GINM1: variants seen among roughly 807,000 people sequenced by gnomAD.
GINM1 encodes glycosylated integral membrane protein 1.
GINM1 carries 29 observed loss-of-function variants against 37.8 expected under a neutral mutation model. The observed-to-expected ratio is 0.77, with a 90% CI of 0.57 to 1.05. The LOEUF (loss-of-function observed/expected upper bound fraction) is 1.05. GINM1 is among the 50% of genes least tolerant of loss of function. The pLI is 0.00. For missense variants in GINM1, 377 were observed against 397.9 expected, an observed-to-expected ratio of 0.95 and a Z score of 0.45; for synonymous variants, 143 against 146.2, an observed-to-expected ratio of 0.98 and a Z score of 0.16.
chr6:149,570,815 G>A (rs1777807405), intron 1 of GINM1, among the ~76,000 whole-genome samples: 1 of 152,158 alleles, frequency 6.6e-6, no homozygotes, highest in South Asian at 2.1e-4. Flanking sequence ...GTCTATTTGT[G>A]AATAAACTTA....
At chr6:149,579,700 A>T in intron 4 of GINM1, 134 bp from the exon 5 acceptor site, 1 of 545,610 alleles carries the variant, frequency 1.8e-6, no homozygotes, top group Non-Finnish European at 3.1e-6. Context: ...CATCTCAAAA[A>T]AAAAAAAAAA....
Position 149,590,761 on chromosome 6 carries a change from C to T in GINM1, c.916C>T (p.Pro306Ser), listed in dbSNP as rs753666762. The change falls in exon 8 of 8, where the codon CCT (proline) becomes TCT (serine). Residue 306 changes from proline to serine, a missense_variant. Physicochemically the swap from Pro to Ser is moderately conservative, Grantham distance 74. Transcript: ENST00000367419. Reference sequence around the variant, plus strand: ...TCAGTTGGATAAAGTGGACGTCATACCTGTGACAGCTATCAACTTATATCC... The same window carrying T: ...TCAGTTGGATAAAGTGGACGTCATATCTGTGACAGCTATCAACTTATATCC... ...ILQLDKVDVI[P>S]VTAINLYPDG... 5 of 1,595,506 alleles carry T rather than the reference C, an allele frequency of 3.1e-6. No individual in the cohort carries two copies. The South Asian group carries it at 5.5e-5, about 18-fold the overall frequency.
At chr6:149,579,199 C>T (rs962656082) in intron 4 of GINM1, among the ~76,000 whole-genome samples, 6 of 152,102 alleles carry the variant, frequency 3.9e-5, no homozygotes, top group African/African-American at 1.4e-4. Context: ...AATGTACAGA[C>T]ATTATTAAAT....
rs547926103 is a variant in GINM1, at chr6:149,578,783, A to C, written c.278-39A>C. 2.9e-6 allele frequency: 4 copies of C among 1,373,318 alleles called. No individual in the cohort carries two copies. The African/African-American group carries it at 5.8e-5, about 20-fold the overall frequency. 85.1% of individuals were successfully genotyped at this position (1,373,318 alleles called of 1,614,324 possible). ...CACACTCACTCACAGATTTGGTGGT[A>C]ATCTTTGTTCAAAGGTGTCACTACT... On this transcript the variant is annotated intron_variant, in intron 3 of 7. Coordinates refer to ENST00000367419, the MANE Select transcript of GINM1 (RefSeq NM_138785.5).
chr6:149,567,566 G>A (rs563750361), intron 1 of GINM1, among the ~76,000 whole-genome samples: 1 of 152,086 alleles, frequency 6.6e-6, no homozygotes, highest in Non-Finnish European at 1.5e-5. Flanking sequence ...GCTTGAACCC[G>A]GGAGGCAGAG....
intron 3 of GINM1, among the ~76,000 whole-genome samples, chr6:149,573,516 G>A (rs928717203): frequency 1.3e-5 from 2 of 152,018 alleles, no homozygotes; most frequent in African/African-American, 2.4e-5. Context: ...GCTGCTTCTC[G>A]CATATTCACT....
At chr6:149,578,138 T>G in intron 3 of GINM1, 1 of 152,294 alleles carries the variant, frequency 6.6e-6, no homozygotes, top group Non-Finnish European at 1.5e-5. Flanking sequence ...ATGTATGTGC[T>G]TATTATGTTA....
chr6:149,575,868 G>A (rs1777906655), intron 3 of GINM1, among the ~76,000 whole-genome samples: 1 of 152,170 alleles, frequency 6.6e-6, no homozygotes, highest in Admixed American at 6.5e-5. Context: ...AGTCATCCCA[G>A]TCATTGCACT....
At chr6:149,574,418 T>C (rs1359700912) in intron 3 of GINM1, among the ~76,000 whole-genome samples, 1 of 152,178 alleles carries the variant, frequency 6.6e-6, no homozygotes, top group Non-Finnish European at 1.5e-5. Context: ...ATAAAATTAC[T>C]GATACATTTG....
At chr6:149,578,772 G>A in intron 3 of GINM1, 50 bp from the exon 4 acceptor site, 1 of 1,278,642 alleles carries the variant, frequency 7.8e-7, no homozygotes, top group Non-Finnish European at 1.1e-6. Context: ...CTCACTCACA[G>A]ATTTGGTGGT....
intron 1 of GINM1, among the ~76,000 whole-genome samples, chr6:149,570,139 TATATA>T (rs1777790098): frequency 7.2e-4 from 2 of 2,794 alleles, no homozygotes; most frequent in African/African-American, 1.0e-3. Flanking sequence ...GTAGGTTTTA[TATATA>T]TATATATATA....
Position 149,579,850 on chromosome 6 carries a change from T to A in GINM1, c.446T>A (p.Val149Asp). 4 of 1,594,848 alleles carry A rather than the reference T, an allele frequency of 2.5e-6. No individual in the cohort carries two copies. The highest frequency in any genetic ancestry group is 3.4e-6 in the Non-Finnish European group (4 of 1,169,652). ...CTTTCACAGGTTCAGCAAAAGGATG[T>A]CACTGAAATTGATATTTTAGTTAAG... ...IDGKQVQQKD[V>D]TEIDILVKNR... The change falls in exon 5 of 8, where the codon GTC becomes GAC. Residue 149 changes from valine to aspartate, a missense_variant. Val to Asp is a radical substitution (Grantham distance 152, BLOSUM62 -3). Coordinates refer to ENST00000367419, the MANE Select transcript of GINM1 (RefSeq NM_138785.5).
intron 3 of GINM1, 25 bp from the exon 4 acceptor site, chr6:149,578,797 G>A (rs762173427): frequency 4.1e-6 from 6 of 1,479,272 alleles, no homozygotes; most frequent in Non-Finnish European, 5.6e-6. Flanking sequence ...TTTGTTCAAA[G>A]GTGTCACTAC....
chr6:149,587,266 C>T (rs1242308347), intron 7 of GINM1, among the ~76,000 whole-genome samples: 1 of 152,118 alleles, frequency 6.6e-6, no homozygotes, highest in Non-Finnish European at 1.5e-5. Flanking sequence ...TTTTCACCAC[C>T]AATAACTAAT....
intron 6 of GINM1, among the ~76,000 whole-genome samples, chr6:149,581,761 T>C (rs1456130858): frequency 1.3e-5 from 2 of 152,220 alleles, no homozygotes; most frequent in African/African-American, 4.8e-5. Flanking sequence ...AAATTCATTT[T>C]AAATGAGCAG....
rs753242749 is a variant in GINM1 at position 149,572,265 on chromosome 6, A to G, written c.121-20A>G. ...CTGTGAGATGCACACCTTCCAATTT[A>G]CACAATACTTGTTTTACAGGACGGC... is the stretch of plus-strand genomic sequence containing the variant. On this transcript the variant is annotated intron_variant, in intron 1 of 7. Coordinates refer to ENST00000367419, the MANE Select transcript of GINM1 (RefSeq NM_138785.5). 6.5e-7 allele frequency: 1 copy of G among 1,530,886 alleles called. No homozygotes were observed. The highest frequency in any genetic ancestry group is 1.9e-5 in the Admixed American group (1 of 52,476). 94.8% of individuals were successfully genotyped at this position (1,530,886 alleles called of 1,614,324 possible). A position where few individuals can be genotyped will look rare whatever the true frequency, so the allele number is the denominator to read the frequency against.
chr6:149,580,514 A>G (rs766486609), intron 5 of GINM1, 79 bp from the exon 6 acceptor site: 75 of 1,269,770 alleles, frequency 5.9e-5, no homozygotes, highest in Non-Finnish European at 7.9e-5. Context: ...ACTATCCTAA[A>G]TGCTATTGGT....
At chr6:149,572,858 C>T (rs552798188) in intron 3 of GINM1, among the ~76,000 whole-genome samples, 6 of 152,250 alleles carry the variant, frequency 3.9e-5, no homozygotes, top group East Asian at 1.9e-4. Context: ...GACAGGGTTT[C>T]GCCATGTTGG....
At chr6:149,590,677 G>A in intron 7 of GINM1, 50 bp from the exon 8 acceptor site, 1 of 961,356 alleles carries the variant, frequency 1.0e-6, no homozygotes, top group East Asian at 2.4e-5. Flanking sequence ...TCAAACTACA[G>A]GCAGAGGAAA....
Sources: allele counts gnomAD v4.1 joint callset (sites outside exome capture counted in the v4.1 genomes callset), GRCh38; gene constraint gnomAD v4.1.1; transcripts MANE v1.5; gene names NCBI Gene and HGNC (gene_info 2026-07-23, HGNC 2026-07-21).